Variants in CRISP2 observed in about 807,000 individuals in gnomAD.
The protein encoded by CRISP2 is cysteine rich secretory protein 2.
In CRISP2, 29 loss-of-function variants were observed where a neutral mutation model predicts 31.7. The observed-to-expected ratio is 0.92, with a 90% confidence interval of 0.68 to 1.25. The LOEUF (loss-of-function observed/expected upper bound fraction) is 1.25. CRISP2 is among the 50% of genes most tolerant of loss of function. The pLI is 0.00. For missense variants in CRISP2, 318 were observed against 286.5 expected, an observed-to-expected ratio of 1.11 and a Z score of -0.79; for synonymous variants, 111 against 101.4, an observed-to-expected ratio of 1.09 and a Z score of -0.57.
downstream of CRISP2, among the ~76,000 whole-genome samples, chr6:49,690,801 A>T (rs966911266): frequency 2.6e-5 from 4 of 152,106 alleles, no homozygotes; most frequent in African/African-American, 9.6e-5. Flanking sequence ...TACTATTATT[A>T]TTGTAGAATG....
chr6:49,706,187 G>A (rs1257512682), intron 4 of CRISP2, among the ~76,000 whole-genome samples: 1 of 152,186 alleles, frequency 6.6e-6, no homozygotes, highest in Non-Finnish European at 1.5e-5. Flanking sequence ...AGGCTGCAAG[G>A]TAGGGTAAAG....
upstream of CRISP2, chr6:49,713,602 C>A (rs1471310703): frequency 6.6e-6 from 1 of 152,236 alleles, no homozygotes; most frequent in Non-Finnish European, 1.5e-5. Flanking sequence ...GGCGACGTCA[C>A]TGGGCTTTAT....
downstream of CRISP2, among the ~76,000 whole-genome samples, chr6:49,687,771 G>C (rs1763929655): frequency 6.6e-6 from 1 of 152,112 alleles, no homozygotes; most frequent in Non-Finnish European, 1.5e-5. Context: ...ACACAACGTG[G>C]GTTTCTCCTC....
At chr6:49,704,426 C>T (rs776229313) in intron 4 of CRISP2, among the ~76,000 whole-genome samples, 2 of 152,028 alleles carry the variant, frequency 1.3e-5, no homozygotes, top group African/African-American at 2.4e-5. Context: ...TGTTATAGAA[C>T]GTTGTTTTGT....
At chr6:49,696,469 G>T (rs1764766485) in intron 8 of CRISP2, among the ~76,000 whole-genome samples, 1 of 143,868 alleles carries the variant, frequency 7.0e-6, no homozygotes, top group African/African-American at 3.0e-5. Context: ...GTAGTTAGTG[G>T]TGTGTGTGTT....
chr6:49,703,025 C>T (rs1050475302), intron 4 of CRISP2, among the ~76,000 whole-genome samples: 2 of 152,078 alleles, frequency 1.3e-5, no homozygotes, highest in African/African-American at 4.8e-5. Flanking sequence ...CAGTTTCATT[C>T]TTCTACGTGG....
chr6:49,698,350 C>G lies in CRISP2; in HGVS notation c.417+12G>C. The G allele has an allele frequency of 6.2e-7, 1 of 1,611,908 alleles. No individual in the cohort carries two copies. The highest frequency in any genetic ancestry group is 1.1e-5 in the South Asian group (1 of 90,694). On this transcript the variant is annotated intron_variant, in intron 7 of 9. Coordinates refer to ENST00000339139, the MANE Select transcript of CRISP2 (RefSeq NM_003296.4). Reference sequence around the variant, plus strand: ...CATCTGTGACATAGGTATTTTCATGCATTCTTCTTACCTGAGTATAATGTC... The same window carrying G: ...CATCTGTGACATAGGTATTTTCATGGATTCTTCTTACCTGAGTATAATGTC...
chr6:49,701,525 T>TATATATATAC (rs1554135518), intron 4 of CRISP2, among the ~76,000 whole-genome samples: 24 of 81,092 alleles, frequency 3.0e-4, no homozygotes, highest in African/African-American at 1.3e-3. Flanking sequence ...TATATATATA[T>TATATATATAC]ACACACACAC....
At chr6:49,696,725 T>C (rs80197634) in intron 8 of CRISP2, among the ~76,000 whole-genome samples, 5,045 of 152,232 alleles carry the variant, frequency 0.033, 290 homozygotes, top group African/African-American at 0.12. Flanking sequence ...TTTAAAATTA[T>C]GTGGGAGTCC....
intron 9 of CRISP2, among the ~76,000 whole-genome samples, chr6:49,694,400 A>G (rs73437853): frequency 0.069 from 10,458 of 152,154 alleles, 1,185 homozygotes; most frequent in African/African-American, 0.24. Flanking sequence ...GGGGCAGTGG[A>G]TTCCTTTTTG....
Position 49,697,945 on chromosome 6 carries a change from A to C in CRISP2, c.430T>G (p.Ser144Ala). 6.3e-7 allele frequency: 1 copy of C among 1,593,564 alleles called. No individual in the cohort carries two copies. The highest frequency in any genetic ancestry group is 8.5e-7 in the Non-Finnish European group (1 of 1,172,200). Residue 144 changes from serine (S) to alanine (A), a missense_variant, in exon 8 of 10, where the codon TCG becomes GCG. Ser to Ala is a moderately conservative substitution (Grantham distance 99). Coordinates refer to ENST00000339139, the MANE Select transcript of CRISP2 (RefSeq NM_003296.4). ...VGHYTQLVWYSTYQVGCGIAY... is the reference protein window; with the variant it reads ...VGHYTQLVWYATYQVGCGIAY... ...ATTCCACAGCCTACCTGGTAAGTCG[A>C]GTACCAAACAAGCTGCAAATTAACA...
At chr6:49,706,915 GA>G (rs1267800701) in intron 4 of CRISP2, among the ~76,000 whole-genome samples, 1 of 152,106 alleles carries the variant, frequency 6.6e-6, no homozygotes, top group Non-Finnish European at 1.5e-5. Context: ...TCATAAGTTA[GA>G]AAGGATGTGC....
the CRISP2 span, among the ~76,000 whole-genome samples, chr6:49,685,015 C>A: frequency 1.3e-5 from 2 of 152,262 alleles, no homozygotes; most frequent in South Asian, 4.1e-4. Context: ...GACTCTGATG[C>A]CTGGGAACTC....
chr6:49,692,835 C>T lies in CRISP2; in HGVS notation c.670G>A (p.Glu224Lys), dbSNP rs564116939. ...CACTTTTCCTTGAGTAACTCATGTT[C>T]ACAGCCAGCTGTATTCTTCAAGGAA... is the stretch of plus-strand genomic sequence containing the variant. ...CDSLKNTAGC[E>K]HELLKEKCKA... is the part of the protein sequence containing the mutation. Residue 224 changes from glutamate (E) to lysine (K), a missense_variant, in exon 10 of 10, where the codon GAA (glutamate) becomes AAA (lysine). Transcript: ENST00000339139. 1.9e-6 allele frequency: 3 copies of T among 1,613,772 alleles called. No individual in the cohort carries two copies. Among genetic ancestry groups the T allele is most frequent in the Admixed American group, 3.3e-5 (2 of 59,986 alleles).
At chr6:49,708,455 TG>T (rs925196734) in intron 4 of CRISP2, among the ~76,000 whole-genome samples, 1 of 152,174 alleles carries the variant, frequency 6.6e-6, no homozygotes, top group Non-Finnish European at 1.5e-5. Flanking sequence ...CAGTTGCCTC[TG>T]AATATAATGA....
chr6:49,682,557 CTTTCTCTTTCTTTCTT>C, the CRISP2 span, among the ~76,000 whole-genome samples: 2 of 54,548 alleles, frequency 3.7e-5, no homozygotes, highest in African/African-American at 2.1e-4. Flanking sequence ...TTCCCTCCAT[CTTTCTCTTTCTTTCTT>C]TTTCTTTCTT....
chr6:49,680,351 A>G, the CRISP2 span, among the ~76,000 whole-genome samples: 8 of 152,168 alleles, frequency 5.3e-5, no homozygotes, highest in Non-Finnish European at 7.3e-5. Context: ...TTATGGCTGC[A>G]TAATATTCTA....
rs972009509 is a variant in CRISP2 at position 49,696,028 on chromosome 6, T to C, written c.516-104A>G. The C allele has an allele frequency of 4.1e-5, 26 of 639,456 alleles. No homozygotes were observed. The African/African-American group carries it at 4.7e-4, about 12-fold the overall frequency. The allele number at this position is 639,456 out of a possible 1,614,324, so 39.6% of individuals were successfully genotyped here. ...ATAAATAGTTATTCAGGGTTTTTAGTATGTTAACAAAACTGAAAAATTACA... is the reference window on the plus strand; with the variant it reads ...ATAAATAGTTATTCAGGGTTTTTAGCATGTTAACAAAACTGAAAAATTACA... On this transcript the variant is annotated intron_variant, in intron 8 of 9. Coordinates refer to ENST00000339139, the MANE Select transcript of CRISP2 (RefSeq NM_003296.4).
rs1443841036 is a variant in CRISP2 at position 49,700,669 on chromosome 6, A to G, written c.182T>C (p.Met61Thr). 1.9e-6 allele frequency: 3 copies of G among 1,590,016 alleles called. No homozygotes were observed. The African/African-American group carries it at 4.0e-5, about 21-fold the overall frequency. The change falls in exon 5 of 10, where the codon ATG becomes ACG. Residue 61 changes from methionine (M) to threonine (T), a missense_variant and splice_region_variant. Coordinates refer to ENST00000339139, the MANE Select transcript of CRISP2 (RefSeq NM_003296.4). ...VSPPASNMLK[M>T]EWSREVTTNA... ...TCTCCTTACAGCACTGCCTCTTACC[A>G]TCTTTAGCATGTTACTGGCAGGTGG...
Sources: allele counts gnomAD v4.1 joint callset (sites outside exome capture counted in the v4.1 genomes callset), GRCh38; gene constraint gnomAD v4.1.1; transcripts MANE v1.5; gene names NCBI Gene and HGNC (gene_info 2026-07-23, HGNC 2026-07-21).